The following SORCS2 variants were observed in gnomAD, a reference collection of about 807,000 sequenced individuals.
SORCS2 encodes sortilin related VPS10 domain containing receptor 2, also known as VPS10 domain-containing receptor SorCS2.
SORCS2 carries 100 observed loss-of-function variants against 141.6 expected under a neutral mutation model. That is an observed-to-expected ratio of 0.71 (90% CI 0.60 to 0.83). The LOEUF is 0.83. SORCS2 is among the 40% of genes least tolerant of loss of function. The pLI is 0.00. For missense variants in SORCS2, 1,646 were observed against 1,560.2 expected (o/e 1.05, Z -0.93); for synonymous variants, 789 against 676.9 (o/e 1.17, Z -2.57).
At chr4:7,403,998 T>TATATATATATATATATATATATATA (rs59841056) in intron 2 of SORCS2, among the ~76,000 whole-genome samples, 4 of 12,406 alleles carry the variant, frequency 3.2e-4, no homozygotes, top group Non-Finnish European at 4.9e-4. Flanking sequence ...TATATATATA[T>TATATATATATATATATATATATATA]TTTTTTTTTT....
At chr4:7,585,786 G>A (rs932194325) in intron 3 of SORCS2, among the ~76,000 whole-genome samples, 2 of 152,232 alleles carry the variant, frequency 1.3e-5, no homozygotes, top group Admixed American at 1.3e-4. Flanking sequence ...ATGTGGGGGA[G>A]CAGCCTTGCC....
At chr4:7,461,831 C>T (rs1005423360) in intron 2 of SORCS2, among the ~76,000 whole-genome samples, 1 of 152,186 alleles carries the variant, frequency 6.6e-6, no homozygotes, top group African/African-American at 2.4e-5. Context: ...AGCCCCACCC[C>T]ACATCTGCCC....
intron 3 of SORCS2, among the ~76,000 whole-genome samples, chr4:7,598,249 G>A (rs1717418753): frequency 6.6e-6 from 1 of 152,102 alleles, no homozygotes; most frequent in Admixed American, 6.6e-5. Context: ...TTACAGGCGT[G>A]AGCCACTGTG....
chr4:7,697,557 G>A (rs1560492178), intron 12 of SORCS2, among the ~76,000 whole-genome samples: 1 of 152,224 alleles, frequency 6.6e-6, no homozygotes, highest in Non-Finnish European at 1.5e-5. Flanking sequence ...TCTCCACACA[G>A]TTGGACGTGT....
chr4:7,389,088 C>T (rs376570133), intron 1 of SORCS2, among the ~76,000 whole-genome samples: 38 of 152,202 alleles, frequency 2.5e-4, no homozygotes, highest in African/African-American at 8.2e-4. Flanking sequence ...ACGGGCAGTG[C>T]GTGTGGAGGT....
chr4:7,192,756 T>A lies in SORCS2; in HGVS notation c.110T>A (p.Leu37Gln). The A allele has an allele frequency of 1.1e-6, 1 of 951,548 alleles. No homozygotes were observed. The highest frequency in any genetic ancestry group is 4.7e-5 in the South Asian group (1 of 21,358). The allele number at this position is 951,548 out of a possible 1,614,324, so 58.9% of individuals were successfully genotyped here. Reference protein sequence around the residue: ...PPRSPRSRPLLLLLLLLGACG... With the variant: ...PPRSPRSRPLQLLLLLLGACG... ...CGCTCGCCGCGCTCGCGGCCGCTCC[T>A]GCTGCTGCTGCTGCTGCTGGGCGCC... The change falls in exon 1 of 27, where the codon CTG becomes CAG. Residue 37 changes from leucine to glutamine, a missense_variant. Coordinates refer to ENST00000507866, the MANE Select transcript of SORCS2 (RefSeq NM_020777.3). This position sits in a 1 kb window ranked among gnomAD's most constrained non-coding sequence, Gnocchi z 4.0.
intron 1 of SORCS2, among the ~76,000 whole-genome samples, chr4:7,288,051 C>A (rs1469253963): frequency 4.6e-5 from 7 of 152,216 alleles, no homozygotes; most frequent in Admixed American, 4.6e-4. Context: ...TGAAAGCCAG[C>A]TCATGCCATG....
In SORCS2 at chr4:7,425,800, G is replaced by A. The variant is rs115640280; in HGVS notation, c.548+29445G>A. 3.0e-3 allele frequency among the ~76,000 whole-genome samples: 451 copies of A among 152,352 alleles called. 1 individual carries two copies. Among genetic ancestry groups the A allele is most frequent in the African/African-American group, 8.2e-3 (340 of 41,590 alleles). On this transcript the variant is annotated intron_variant, in intron 2 of 26. Coordinates refer to ENST00000507866, the MANE Select transcript of SORCS2 (RefSeq NM_020777.3). ...GGGGTCCCCACCTCGCTGGAGAAAC[G>A]AGGAAGGGGCGGCAGCAGGCAAGCA...
At chr4:7,391,236 C>T (rs557704361) in intron 1 of SORCS2, among the ~76,000 whole-genome samples, 11 of 152,334 alleles carry the variant, frequency 7.2e-5, no homozygotes, top group South Asian at 2.1e-4. Context: ...CAGGTGAAGA[C>T]GCTGACGACT....
intron 1 of SORCS2, among the ~76,000 whole-genome samples, chr4:7,224,740 G>T (rs1022537649): frequency 2.6e-5 from 4 of 152,210 alleles, no homozygotes; most frequent in Non-Finnish European, 4.4e-5. Flanking sequence ...GGAGGAGGAG[G>T]TGTGGCACTG....
chr4:7,328,868 A>G (rs73077849), intron 1 of SORCS2, among the ~76,000 whole-genome samples: 1,896 of 152,308 alleles, frequency 0.012, 35 homozygotes, highest in African/African-American at 0.044. Context: ...ATGAGCATCC[A>G]TGTCCAGCAG....
chr4:7,739,849 G>C (rs764451349), intron 26 of SORCS2, among the ~76,000 whole-genome samples: 1 of 152,078 alleles, frequency 6.6e-6, no homozygotes, highest in Non-Finnish European at 1.5e-5. Flanking sequence ...GCCCTGCAGC[G>C]CCCACTGCCA....
intron 3 of SORCS2, among the ~76,000 whole-genome samples, chr4:7,581,623 C>T (rs762432559): frequency 1.1e-3 from 160 of 152,280 alleles, no homozygotes; most frequent in Admixed American, 1.8e-3. Flanking sequence ...CAAACTCCAC[C>T]CAGGACAGGA....
At chr4:7,534,143 C>T (rs571423517) in intron 3 of SORCS2, among the ~76,000 whole-genome samples, 1 of 152,336 alleles carries the variant, frequency 6.6e-6, no homozygotes, top group South Asian at 2.1e-4. Context: ...CACAGAGGCT[C>T]AGCTGACTTT....
intron 2 of SORCS2, among the ~76,000 whole-genome samples, chr4:7,520,110 G>A (rs1354801632): frequency 6.6e-6 from 1 of 152,182 alleles, no homozygotes; most frequent in Admixed American, 6.5e-5. Flanking sequence ...GCTGACCAGG[G>A]TGGACTCACT....
intron 2 of SORCS2, among the ~76,000 whole-genome samples, chr4:7,502,539 G>A (rs73212586): frequency 0.01 from 1,558 of 152,310 alleles, 10 homozygotes; most frequent in Non-Finnish European, 0.017. Flanking sequence ...GTCTGACTGT[G>A]GGCCTCATCC....
chr4:7,273,106 A>G (rs893723909), intron 1 of SORCS2, among the ~76,000 whole-genome samples: 6 of 152,354 alleles, frequency 3.9e-5, no homozygotes, highest in African/African-American at 1.4e-4. Flanking sequence ...GTGGGGAAGG[A>G]CTTCTAGTTT....
intron 1 of SORCS2, among the ~76,000 whole-genome samples, chr4:7,328,170 C>T (rs1265323442): frequency 6.6e-6 from 1 of 150,784 alleles, no homozygotes; most frequent in Non-Finnish European, 1.5e-5. Flanking sequence ...GGATTACAGG[C>T]ACCCACCACC....
rs759123568 is a variant in SORCS2, at chr4:7,689,523, A to G, written c.1526A>G (p.Asp509Gly). The G allele has an allele frequency of 8.1e-6, 13 of 1,606,680 alleles. No individual in the cohort carries two copies. In the East Asian group the frequency reaches 2.7e-4, roughly 33 times the overall value. ...CTGCACCTGCACCTGCGCTGGGCAG[A>G]CAACCCCTACGTATCAGGCACCGTG... ...CHLHLHLRWA[D>G]NPYVSGTVHT... Residue 509 changes from aspartate (D) to glycine (G), a missense_variant, in exon 11 of 27, where the codon GAC becomes GGC. Asp to Gly is a moderately conservative substitution (Grantham distance 94, BLOSUM62 -1). Coordinates refer to ENST00000507866, the MANE Select transcript of SORCS2 (RefSeq NM_020777.3).
Sources: gnomAD v4.1 joint callset for allele counts (sites outside exome capture counted in the v4.1 genomes callset) on GRCh38, gnomAD v4.1.1 for gene constraint, Gnocchi (gnomAD v3.1) non-coding constraint, MANE v1.5 for transcripts, NCBI Gene and HGNC (gene_info 2026-07-23, HGNC 2026-07-21) for gene names.